The following PKD1L1 variants were observed in gnomAD, a reference collection of about 807,000 sequenced individuals.
PKD1L1 encodes the protein polycystin-1-like protein 1.
PKD1L1 carries 236 observed loss-of-function variants against 323.4 expected under a neutral mutation model. The ratio of observed to expected loss-of-function variants is 0.73; its 90% CI spans 0.66 to 0.81. PKD1L1 has a LOEUF of 0.81. PKD1L1 is among the 40% of genes least tolerant of loss of function. The pLI is 0.00. For missense variants in PKD1L1, 3,320 were observed against 3,508.0 expected, an observed-to-expected ratio of 0.95 and a Z score of 1.35; for synonymous variants, 1,344 against 1,335.0, an observed-to-expected ratio of 1.01 and a Z score of -0.15.
At chr7:47,880,168 A>G (rs1391058507) in intron 21 of PKD1L1, among the ~76,000 whole-genome samples, 1 of 60,634 alleles carries the variant, frequency 1.6e-5, no homozygotes, top group African/African-American at 1.3e-4. Context: ...GGGTTTAAAT[A>G]GAGAGAGAGA....
At chr7:47,805,086 T>TACACAC (rs59085691) in intron 52 of PKD1L1, among the ~76,000 whole-genome samples, 40 of 150,182 alleles carry the variant, frequency 2.7e-4, no homozygotes, top group Admixed American at 1.1e-3. Context: ...CCTGTACAAA[T>TACACAC]ACACACACAC....
chr7:47,853,893 C>A (rs371332931), intron 30 of PKD1L1, among the ~76,000 whole-genome samples: 59 of 152,014 alleles, frequency 3.9e-4, no homozygotes, highest in African/African-American at 1.4e-3. Flanking sequence ...GGGAGGGGCA[C>A]TGCAGCACCC....
At chr7:47,949,611 A>G (rs570701926), upstream of PKD1L1, among the ~76,000 whole-genome samples, 4 of 152,258 alleles carry the variant, frequency 2.6e-5, no homozygotes, top group South Asian at 8.3e-4. Flanking sequence ...TATATTTTTA[A>G]AGCACTTGTT....
At chr7:47,871,398 G>A (rs1480154308) in intron 24 of PKD1L1, among the ~76,000 whole-genome samples, 1 of 152,138 alleles carries the variant, frequency 6.6e-6, no homozygotes, top group African/African-American at 2.4e-5. Flanking sequence ...TGCTTCCAAG[G>A]TGGCACCTGT....
In PKD1L1 at chr7:47,857,613, G is replaced by GA. The variant is rs1211853425; in HGVS notation, c.4581dup (p.Pro1528SerfsTer42). On this transcript the variant is annotated frameshift_variant, in exon 28 of 57. Coordinates refer to ENST00000289672, the MANE Select transcript of PKD1L1 (RefSeq NM_138295.5). LOFTEE classifies it high-confidence loss of function. ...CATCTGTCAGCTTGTACCTGCCCAG[G>GA]AGCTTGGCTCCCTGGATATGGGTTC... The GA allele has an allele frequency of 6.2e-6, 10 of 1,614,046 alleles. No individual in the cohort carries two copies. In the Admixed American group the frequency reaches 1.5e-4, roughly 24 times the overall value.
rs763959439 is a variant in PKD1L1 at position 47,813,267 on chromosome 7, G to A, written c.7200C>T (p.Ile2400=). Residue 2400 remains isoleucine, a synonymous_variant, in exon 49 of 57, where the codon ATC becomes ATT. Transcript: ENST00000289672. The stretch of plus-strand genomic sequence containing the variant: ...GACTACATGTAGGAATAGAGTCTTC[G>A]ATGAGTGCTGAAAATGGCCTGGGAG... ...CKPPRPFSAL[I]EDSIPTCSPE... is the part of the protein sequence containing the mutation. 1.5e-5 allele frequency: 25 copies of A among 1,614,044 alleles called. No individual in the cohort carries two copies. Among genetic ancestry groups the A allele is most frequent in the African/African-American group, 4.0e-5 (3 of 74,930 alleles).
the PKD1L1 span, chr7:47,956,672 G>A: frequency 6.6e-6 from 1 of 152,210 alleles, no homozygotes; most frequent in East Asian, 1.9e-4. Flanking sequence ...AGAACAGTCA[G>A]GGAAACATGA....
the PKD1L1 span, among the ~76,000 whole-genome samples, chr7:47,960,377 T>TAAAA: frequency 2.6e-4 from 23 of 89,524 alleles, no homozygotes; most frequent in South Asian, 1.1e-3. Flanking sequence ...AAAAAAAAAT[T>TAAAA]AAAAAAAAAA....
At chr7:47,811,151 C>CTTTTTTTT (rs1562940874) in intron 50 of PKD1L1, among the ~76,000 whole-genome samples, 1 of 87,842 alleles carries the variant, frequency 1.1e-5, no homozygotes. Context: ...TAAATGTCTC[C>CTTTTTTTT]TTCTTTTTTT....
chr7:47,929,511 C>A lies in PKD1L1; in HGVS notation c.753G>T (p.Pro251=). The change falls in exon 7 of 57, where the codon CCG becomes CCT. Residue 251 remains proline (P), a synonymous_variant. Coordinates refer to ENST00000289672, the MANE Select transcript of PKD1L1 (RefSeq NM_138295.5). ...PTSPRSSHGL[P]PGIPRTPSFT... ...AGCTGGGGGTGCGAGGAATGCCAGG[C>A]GGAAGGCCGTGGGAGCTGTGGGAGA... 1 of 1,613,188 alleles carries A rather than the reference C, an allele frequency of 6.2e-7. No individual in the cohort carries two copies. The highest frequency in any genetic ancestry group is 8.5e-7 in the Non-Finnish European group (1 of 1,179,494).
chr7:47,907,204 C>T lies in PKD1L1; in HGVS notation c.1402+873G>A, dbSNP rs540978605. The stretch of plus-strand genomic sequence containing the variant: ...TAGTCTGATTATAAACAGGTACAGC[C>T]ACTGTGTGGAACAGCTGGAAAGAAT... On this transcript the variant is annotated intron_variant, in intron 9 of 56. Transcript: ENST00000289672. Among the ~76,000 whole-genome samples the T allele has an allele frequency of 3.3e-5, 5 of 152,292 alleles. No homozygotes were observed. The East Asian group carries it at 5.8e-4, about 18-fold the overall frequency.
Position 47,931,339 on chromosome 7 carries a change from A to G in PKD1L1, c.520-18T>C, listed in dbSNP as rs757968604. ...CCCTGGAGCTTAAAAGTTTAAGAAC[A>G]GTTCAGGGTTTATTGAATGGCCTCG... On this transcript the variant is annotated intron_variant, in intron 5 of 56. Coordinates refer to ENST00000289672, the MANE Select transcript of PKD1L1 (RefSeq NM_138295.5). The G allele has an allele frequency of 7.4e-6, 12 of 1,613,370 alleles. 1 individual carries two copies. The South Asian group carries it at 1.3e-4, about 18-fold the overall frequency.
intron 37 of PKD1L1, among the ~76,000 whole-genome samples, chr7:47,836,061 C>A (rs1055809572): frequency 1.1e-4 from 16 of 152,212 alleles, no homozygotes; most frequent in African/African-American, 3.6e-4. Context: ...GTTTCCTCAC[C>A]ACAGGCCCTG....
In PKD1L1 at chr7:47,774,982, C is replaced by T. The variant is rs749356224; in HGVS notation, c.*161G>A. The T allele has an allele frequency of 3.0e-5, 22 of 722,422 alleles. No homozygotes were observed. Among genetic ancestry groups the T allele is most frequent in the Non-Finnish European group, 4.6e-5 (19 of 416,376 alleles). The allele number at this position is 722,422 out of a possible 1,614,324, so 44.8% of individuals were successfully genotyped here. ...ATGACAGATAAACCTTGATTTTCAT[C>T]CTGGTTTCCCATTTACTTGTTACGT... On this transcript the variant is annotated 3_prime_UTR_variant, in exon 57 of 57. Transcript: ENST00000289672.
chr7:47,948,534 G>A, upstream of PKD1L1: 1 of 1,280,142 alleles, frequency 7.8e-7, no homozygotes, highest in South Asian at 1.2e-5. Flanking sequence ...AATGCTTCCA[G>A]CTTCTGTACT....
At chr7:47,957,854 T>TA in the PKD1L1 span, among the ~76,000 whole-genome samples, 774 of 118,090 alleles carry the variant, frequency 6.6e-3, 11 homozygotes, top group East Asian at 0.021. Context: ...ACAATACAAT[T>TA]AAAAAAAAAT....
chr7:47,833,376 C>T (rs1785389767), intron 40 of PKD1L1, 124 bp from the exon 41 acceptor site: 3 of 1,086,452 alleles, frequency 2.8e-6, no homozygotes, highest in South Asian at 1.6e-5. Context: ...GGGTGTGGTG[C>T]TGAGGCCTCT....
At chr7:47,878,140 A>G (rs924702712) in intron 21 of PKD1L1, among the ~76,000 whole-genome samples, 2 of 152,230 alleles carry the variant, frequency 1.3e-5, no homozygotes, top group East Asian at 3.8e-4. Flanking sequence ...AATGTATAGC[A>G]CCAATACAAT....
At position 47,821,263 on chromosome 7, in the gene PKD1L1, T is replaced by TTTA. The variant is rs139741378; in HGVS notation, c.6855-80_6855-78dup. On this transcript the variant is annotated intron_variant, in intron 45 of 56. Transcript: ENST00000289672. Reference sequence around the variant, plus strand: ...CCTGAGTGCTTCAATTTGCAAAAGATTTATTATTATTATTATTATTTTTGA... The same window carrying TTTA: ...CCTGAGTGCTTCAATTTGCAAAAGATTTATTATTATTATTATTATTATTTTTGA... The TTTA allele has an allele frequency of 2.9e-3, 2,130 of 740,430 alleles. 18 individuals are homozygous for TTTA. The highest frequency in any genetic ancestry group is 0.011 in the Middle Eastern group (36 of 3,300). The allele number at this position is 740,430 out of a possible 1,614,324, so 45.9% of individuals were successfully genotyped here.
Sources: allele counts gnomAD v4.1 joint callset (sites outside exome capture counted in the v4.1 genomes callset), GRCh38; gene constraint gnomAD v4.1.1; transcripts MANE v1.5; gene names NCBI Gene and HGNC (gene_info 2026-07-23, HGNC 2026-07-21).